Variants in ZFHX3 observed in about 807,000 individuals in gnomAD.
ZFHX3 encodes zinc finger homeobox protein 3.
ZFHX3 carries 42 observed loss-of-function variants against 279.1 expected under a neutral mutation model. The ratio of observed to expected loss-of-function variants is 0.15; its 90% CI spans 0.12 to 0.19. The LOEUF (loss-of-function observed/expected upper bound fraction) is 0.19, where lower values mean the gene tolerates loss of function less well. Ranked by LOEUF, ZFHX3 falls within the 10% of genes least tolerant of loss-of-function variation. The pLI, the probability that ZFHX3 is intolerant of heterozygous loss-of-function variation, is 1.00. For synonymous variants in ZFHX3, 2,293 were observed against 1,957.8 expected (o/e 1.17, Z -4.52); for missense variants, 4,981 against 4,754.0 (o/e 1.05, Z -1.40).
rs768600243 is a variant in ZFHX3, at chr16:72,798,618, C to T, written c.4064G>A (p.Arg1355Lys). ...KPSPADPGSV[R>K]EDSGFICWKK... ...CCAGCAGATGAAGCCTGAGTCTTCT[C>T]TCACAGAGCCTGGGTCAGCAGGGGA... Residue 1355 changes from arginine to lysine, a missense_variant, in exon 9 of 10, where the codon AGA becomes AAA. By Grantham distance (26) the Arg-to-Lys change is conservative. Around this residue, in one of 7 missense-constraint regions of ZFHX3, gnomAD observed 1,751 missense variants for 1,770.0 expected, o/e 0.99. Coordinates refer to ENST00000268489, the MANE Select transcript of ZFHX3 (RefSeq NM_006885.4). 2 of 1,613,998 alleles carry T rather than the reference C, an allele frequency of 1.2e-6. No individual in the cohort carries two copies. The highest frequency in any genetic ancestry group is 2.2e-5 in the East Asian group (1 of 44,894).
chr16:73,552,930 C>T (rs1045568218), intron 2 of ZFHX3, among the ~76,000 whole-genome samples: 1 of 152,184 alleles, frequency 6.6e-6, no homozygotes, highest in Non-Finnish European at 1.5e-5. Context: ...ACCTAAGTTT[C>T]CTTCTCGGGA....
Position 72,795,267 on chromosome 16 carries a change from G to T in ZFHX3, c.7415C>A (p.Pro2472His). The change falls in exon 9 of 10, where the codon CCC becomes CAC. Residue 2472 changes from proline to histidine, a missense_variant. This residue lies in a region of ZFHX3 where 744 missense variants were observed against 701.3 expected (regional missense o/e 1.06). Transcript: ENST00000268489. ...CAACGAAGGCAGGGACACCAGCTGG[G>T]GGAGCTTCTGCTGGGGAGTGTTGGT... ...QKTNTPQQKL[P>H]QLVSLPSLPQ... The T allele has an allele frequency of 6.2e-7, 1 of 1,612,934 alleles. No individual in the cohort carries two copies. The highest frequency in any genetic ancestry group is 8.5e-7 in the Non-Finnish European group (1 of 1,179,326).
chr16:73,307,239 G>A (rs552908794), intron 4 of ZFHX3, among the ~76,000 whole-genome samples: 2 of 152,292 alleles, frequency 1.3e-5, no homozygotes, highest in African/African-American at 2.4e-5. Flanking sequence ...TGTAAACTGG[G>A]CTTCCTGCCT....
At chr16:73,083,413 A>G (rs1324692763) in intron 8 of ZFHX3, 1 of 152,236 alleles carries the variant, frequency 6.6e-6, no homozygotes, top group Non-Finnish European at 1.5e-5. Context: ...AACTGGTAAC[A>G]CATCTGAATA....
upstream of ZFHX3, among the ~76,000 whole-genome samples, chr16:73,050,981 C>T (rs562539903): frequency 9.2e-5 from 14 of 152,260 alleles, no homozygotes; most frequent in African/African-American, 2.2e-4. Flanking sequence ...ATGATTCTAC[C>T]GAGCCAAACC....
At chr16:72,860,261 C>T (rs1248893370) in intron 4 of ZFHX3, among the ~76,000 whole-genome samples, 2 of 152,078 alleles carry the variant, frequency 1.3e-5, no homozygotes, top group East Asian at 1.9e-4. Flanking sequence ...CGCAGACACC[C>T]GCTTCCTGTT....
chr16:73,317,698 C>T (rs2015484020), intron 4 of ZFHX3, among the ~76,000 whole-genome samples: 2 of 152,166 alleles, frequency 1.3e-5, no homozygotes, highest in Admixed American at 6.6e-5. Flanking sequence ...TAAGGAGACC[C>T]ACTCATGCAC....
At chr16:73,319,656 T>C (rs537999503) in intron 3 of ZFHX3, among the ~76,000 whole-genome samples, 1 of 152,270 alleles carries the variant, frequency 6.6e-6, no homozygotes, top group East Asian at 1.9e-4. Flanking sequence ...GGGGTCCACA[T>C]TCAAAGTCCT....
At chr16:73,123,840 GC>G (rs1468602644) in intron 7 of ZFHX3, among the ~76,000 whole-genome samples, 1 of 152,074 alleles carries the variant, frequency 6.6e-6, no homozygotes, top group East Asian at 1.9e-4. Context: ...GAGCTTGTTT[GC>G]CCCTTCTGCA....
intron 3 of ZFHX3, among the ~76,000 whole-genome samples, chr16:72,907,512 T>C (rs2039206316): frequency 6.6e-6 from 1 of 150,974 alleles, no homozygotes. Context: ...CCAGCAGCTC[T>C]ACCGGTTCTC....
intron 3 of ZFHX3, among the ~76,000 whole-genome samples, chr16:72,896,345 C>T (rs1050556125): frequency 3.3e-5 from 5 of 152,176 alleles, no homozygotes; most frequent in Admixed American, 6.5e-5. Flanking sequence ...GCTTCTGACA[C>T]GAAAACATCT....
In ZFHX3 at chr16:72,796,389, G is replaced by A; in HGVS notation, c.6293C>T (p.Ser2098Leu). The change falls in exon 9 of 10, where the codon TCG (serine) becomes TTG (leucine). Residue 2098 changes from serine (S) to leucine (L), a missense_variant. Around this residue, in one of 7 missense-constraint regions of ZFHX3, gnomAD observed 1,751 missense variants for 1,770.0 expected, o/e 0.99. Transcript: ENST00000268489. ...CGGCATCGTCTGCATCATCAGCGGC[G>A]AGAAGATGGGCAGCTCCATCGGCAT... ...LSMPMELPIF[S>L]PLMMQTMPLQ... 4 of 1,613,334 alleles carry A rather than the reference G, an allele frequency of 2.5e-6. No homozygotes were observed. The highest frequency in any genetic ancestry group is 3.4e-6 in the Non-Finnish European group (4 of 1,179,994).
At chr16:73,098,335 T>G (rs9931175) in intron 7 of ZFHX3, among the ~76,000 whole-genome samples, 54,637 of 151,632 alleles carry the variant, frequency 0.36, 10,206 homozygotes, top group South Asian at 0.41. Context: ...TCCAAAGTGC[T>G]GGGATTACAG....
intron 4 of ZFHX3, among the ~76,000 whole-genome samples, chr16:72,848,867 C>A (rs1030089817): frequency 6.6e-6 from 1 of 152,154 alleles, no homozygotes; most frequent in Non-Finnish European, 1.5e-5. Context: ...TGGCATGCTG[C>A]CACGGCTGGA....
In ZFHX3 at chr16:73,800,178, C is replaced by A. The variant is rs369691676; in HGVS notation, c.-1608+91473G>T. Among the ~76,000 whole-genome samples, 3 of 151,874 alleles carry A rather than the reference C, an allele frequency of 2.0e-5. No individual in the cohort carries two copies. The South Asian group carries it at 6.3e-4, about 32-fold the overall frequency. On this transcript the variant is annotated intron_variant, in intron 1 of 17. Coordinates refer to the ZFHX3 transcript ENST00000641206. ...ACATGTATTTATTAAGGACTGCCAC[C>A]GTGGCGCAAGACTGCTTTTTGTTGG...
intron 5 of ZFHX3, among the ~76,000 whole-genome samples, chr16:73,241,881 A>T (rs990603217): frequency 6.6e-6 from 1 of 151,698 alleles, no homozygotes; most frequent in Admixed American, 6.6e-5. Context: ...CATCAGGATC[A>T]GAATCTCTGC....
intron 4 of ZFHX3, among the ~76,000 whole-genome samples, chr16:73,278,950 A>T (rs1758105903): frequency 6.6e-6 from 1 of 152,246 alleles, no homozygotes; most frequent in African/African-American, 2.4e-5. Context: ...ACCTCTCAGC[A>T]GGAGTGCTTC....
chr16:73,741,424 G>T (rs953373826), intron 1 of ZFHX3, among the ~76,000 whole-genome samples: 2 of 152,126 alleles, frequency 1.3e-5, no homozygotes, highest in African/African-American at 4.8e-5. Flanking sequence ...CCAGAAGCAG[G>T]TCTACAGTTT....
At chr16:73,795,405 C>T (rs1446161944) in intron 1 of ZFHX3, among the ~76,000 whole-genome samples, 5 of 152,176 alleles carry the variant, frequency 3.3e-5, no homozygotes, top group South Asian at 2.1e-4. Context: ...GAGGCACAAG[C>T]TCAGGCAGGT....
Sources: gnomAD v4.1 joint callset for allele counts (sites outside exome capture counted in the v4.1 genomes callset) on GRCh38, gnomAD v4.1.1 for gene constraint, gnomAD v4.1.1 regional missense constraint, MANE v1.5 for transcripts, NCBI Gene and HGNC (gene_info 2026-07-23, HGNC 2026-07-21) for gene names.